Variants in RMND1 observed in about 807,000 individuals in gnomAD.
RMND1 encodes required for meiotic nuclear division protein 1 homolog.
In RMND1, 41 loss-of-function variants were observed where a neutral mutation model predicts 54.0. The ratio of observed to expected loss-of-function variants is 0.76; its 90% confidence interval spans 0.59 to 0.98. The LOEUF (loss-of-function observed/expected upper bound fraction) is 0.98. Ranked by LOEUF, RMND1 falls within the 50% of genes least tolerant of loss-of-function variation. The pLI, the probability that RMND1 is intolerant of heterozygous loss-of-function variation, is 0.00. For missense variants in RMND1, 457 were observed against 532.0 expected (o/e 0.86, Z 1.39); for synonymous variants, 183 against 181.7 (o/e 1.01, Z -0.06).
intron 10 of RMND1, 173 bp downstream of exon 10, chr6:151,417,106 C>A: frequency 1.7e-6 from 1 of 601,948 alleles, no homozygotes; most frequent in South Asian, 2.5e-5. Context: ...GAGCTAATAT[C>A]AGAAGATCCT....
chr6:151,405,288 T>C, intron 11 of RMND1, 21 bp from the exon 12 acceptor site: 1 of 1,610,024 alleles, frequency 6.2e-7, no homozygotes, highest in Non-Finnish European at 8.5e-7. Context: ...AAAGTGAGAA[T>C]TATTTCATGA....
intron 4 of RMND1, among the ~76,000 whole-genome samples, chr6:151,431,549 G>A (rs1388476132): frequency 6.6e-6 from 1 of 152,146 alleles, no homozygotes; most frequent in Non-Finnish European, 1.5e-5. Context: ...CTTCCAGGCA[G>A]AAGAGAGGTC....
chr6:151,447,324 GAA>G (rs2114973982), intron 1 of RMND1, among the ~76,000 whole-genome samples: 1 of 147,066 alleles, frequency 6.8e-6, no homozygotes, highest in East Asian at 2.3e-4. Flanking sequence ...GCATGTTCAT[GAA>G]ACAAATTTTT....
Position 151,410,298 on chromosome 6 carries a change from G to A in RMND1, c.1201-4462C>T, listed in dbSNP as rs146173186. 5.8e-3 allele frequency among the ~76,000 whole-genome samples: 889 copies of A among 152,128 alleles called. 4 individuals carry two copies. The highest frequency in any genetic ancestry group is 9.6e-3 in the Non-Finnish European group (650 of 68,002). On this transcript the variant is annotated intron_variant, in intron 10 of 11. Transcript: ENST00000444024. ...TCTGGATCTCCTGACCTTGTGATCC[G>A]CCCTCCTTGGCCTCCCAAAATGCTG...
chr6:151,416,194 G>T (rs1042285137), intron 10 of RMND1, among the ~76,000 whole-genome samples: 11 of 152,016 alleles, frequency 7.2e-5, no homozygotes, highest in African/African-American at 2.7e-4. Context: ...GGCCAGGCAG[G>T]TCTCGAACTC....
At chr6:151,429,792 G>A (rs1269362317) in intron 5 of RMND1, among the ~76,000 whole-genome samples, 1 of 152,112 alleles carries the variant, frequency 6.6e-6, no homozygotes, top group Non-Finnish European at 1.5e-5. Flanking sequence ...GTAAGTTCTA[G>A]ACAACTTGAC....
intron 10 of RMND1, among the ~76,000 whole-genome samples, chr6:151,408,350 G>C (rs988855026): frequency 6.6e-6 from 1 of 152,042 alleles, no homozygotes; most frequent in African/African-American, 2.4e-5. Flanking sequence ...AAATTAGCTG[G>C]GTGTGGTGGC....
At chr6:151,446,945 T>A (rs1162315990) in intron 1 of RMND1, among the ~76,000 whole-genome samples, 1 of 152,100 alleles carries the variant, frequency 6.6e-6, no homozygotes, top group Non-Finnish European at 1.5e-5. Context: ...AATTCTTTTT[T>A]TAAAAATAAT....
intron 2 of RMND1, among the ~76,000 whole-genome samples, chr6:151,444,179 G>T (rs566292386): frequency 6.6e-6 from 1 of 152,194 alleles, no homozygotes; most frequent in Non-Finnish European, 1.5e-5. Context: ...GCTGCTAGAC[G>T]TTACAAATGA....
chr6:151,432,221 G>A (rs1202757868), intron 4 of RMND1, among the ~76,000 whole-genome samples: 1 of 152,062 alleles, frequency 6.6e-6, no homozygotes, highest in Non-Finnish European at 1.5e-5. Flanking sequence ...ACAGGCATAA[G>A]CCACCGTGCC....
intron 4 of RMND1, among the ~76,000 whole-genome samples, chr6:151,432,708 T>C (rs1780482274): frequency 6.6e-6 from 1 of 152,130 alleles, no homozygotes; most frequent in Non-Finnish European, 1.5e-5. Flanking sequence ...GTGAGTCTCC[T>C]AGTCTAAAAC....
At chr6:151,434,274 A>G (rs1780535732) in intron 3 of RMND1, among the ~76,000 whole-genome samples, 1 of 152,208 alleles carries the variant, frequency 6.6e-6, no homozygotes, top group Non-Finnish European at 1.5e-5. Context: ...TAATATATCA[A>G]TTAAAAAATA....
intron 10 of RMND1, among the ~76,000 whole-genome samples, chr6:151,416,344 T>C (rs974936216): frequency 1.3e-5 from 2 of 152,054 alleles, no homozygotes; most frequent in Non-Finnish European, 2.9e-5. Flanking sequence ...CACAGAACTA[T>C]GTGCACACAT....
intron 10 of RMND1, among the ~76,000 whole-genome samples, chr6:151,414,464 C>A (rs1779942142): frequency 6.6e-6 from 1 of 152,050 alleles, no homozygotes; most frequent in Non-Finnish European, 1.5e-5. Context: ...AATCAGTAGA[C>A]ACTAATATCA....
At position 151,422,534 on chromosome 6, in the gene RMND1, T is replaced by C. The variant is rs2114937234; in HGVS notation, c.1002+7A>G. The C allele has an allele frequency of 2.1e-6, 3 of 1,423,084 alleles. No individual in the cohort carries two copies. The highest frequency in any genetic ancestry group is 2.9e-6 in the Non-Finnish European group (3 of 1,042,570). 88.2% of individuals were successfully genotyped at this position (1,423,084 alleles called of 1,614,324 possible). On this transcript the variant is annotated splice_region_variant and intron_variant, in intron 8 of 11. Transcript: ENST00000444024. ...TCCTTGAATAAGCATAAAATTGATA[T>C]AATTACCTCAGGAATTGACTGAATA...
chr6:151,443,515 T>C (rs1198372127), intron 2 of RMND1, among the ~76,000 whole-genome samples: 2 of 152,116 alleles, frequency 1.3e-5, no homozygotes, highest in Non-Finnish European at 2.9e-5. Flanking sequence ...TTCACCATAT[T>C]GGCTAGGCTG....
At position 151,442,584 on chromosome 6, in the gene RMND1, G is replaced by A. The variant is rs1049381846; in HGVS notation, c.504+2724C>T. Among the ~76,000 whole-genome samples, 131 of 152,154 alleles carry A rather than the reference G, an allele frequency of 8.6e-4. 1 individual carries two copies. The highest frequency in any genetic ancestry group is 8.5e-4 in the Admixed American group (13 of 15,284). ...CACTCTGTCGCCCAGGCTGGACGGA[G>A]CGAGGTGCAGTCACGACTCACTGCA... is the stretch of plus-strand genomic sequence containing the variant. On this transcript the variant is annotated intron_variant, in intron 2 of 11. Transcript: ENST00000444024.
intron 6 of RMND1, 107 bp downstream of exon 6, chr6:151,427,375 C>CAA (rs201656504): frequency 4.3e-3 from 2,030 of 475,526 alleles, no homozygotes; most frequent in East Asian, 0.02. Context: ...GACTCCGTCT[C>CAA]AAAAAAAAAA....
chr6:151,427,408 A>T, intron 6 of RMND1, 74 bp downstream of exon 6: 1 of 877,518 alleles, frequency 1.1e-6, no homozygotes, highest in Non-Finnish European at 1.8e-6. Context: ...TATGCATAAT[A>T]ATTTGTCTCC....
Sources: gnomAD v4.1 joint callset for allele counts (sites outside exome capture counted in the v4.1 genomes callset) on GRCh38, gnomAD v4.1.1 for gene constraint, MANE v1.5 for transcripts, NCBI Gene and HGNC (gene_info 2026-07-23, HGNC 2026-07-21) for gene names.